IFT80: variants seen among roughly 807,000 people sequenced by gnomAD.
IFT80 encodes intraflagellar transport 80.
IFT80 carries 79 observed loss-of-function variants against 107.9 expected under a neutral mutation model. The ratio of observed to expected loss-of-function variants is 0.73; its 90% CI spans 0.61 to 0.88. The LOEUF (loss-of-function observed/expected upper bound fraction) is 0.88. Among genes scored for constraint, IFT80 ranks in the 40% least tolerant of loss-of-function variants. The pLI is 0.00. For synonymous variants in IFT80, 299 were observed against 300.9 expected, an observed-to-expected ratio of 0.99 and a Z score of 0.07; for missense variants, 797 against 914.2, an observed-to-expected ratio of 0.87 and a Z score of 1.65.
chr3:160,339,936 T>A lies in IFT80; in HGVS notation c.777+16077A>T, dbSNP rs539726495. Among the ~76,000 whole-genome samples the A allele has an allele frequency of 2.0e-3, 302 of 152,312 alleles. 2 individuals are homozygous for A. The highest frequency in any genetic ancestry group is 6.9e-3 in the African/African-American group (286 of 41,578). ...GTGTGAGACTGACCAATTTGGTTTT[T>A]AGCTGTGGGCAAATATCACTGGCAT... On this transcript the variant is annotated intron_variant, in intron 8 of 19. Coordinates refer to ENST00000326448, the MANE Select transcript of IFT80 (RefSeq NM_020800.3).
In IFT80 at chr3:160,303,767, C is replaced by A. The variant is rs542399062; in HGVS notation, c.1151+148G>T. On this transcript the variant is annotated intron_variant, in intron 11 of 19. Transcript: ENST00000326448. ...CACTGATTTAAATAACTTATTTATT[C>A]TTTTCTTTTTCTTCTAAAATGTAAA... 4.4e-4 allele frequency: 267 copies of A among 609,068 alleles called. 1 individual carries two copies. In the African/African-American group the frequency reaches 4.5e-3, roughly 10 times the overall value. 37.7% of individuals were successfully genotyped at this position (609,068 alleles called of 1,614,324 possible).
At chr3:160,357,901 T>C (rs186087709) in intron 6 of IFT80, among the ~76,000 whole-genome samples, 216 of 152,340 alleles carry the variant, frequency 1.4e-3, no homozygotes, top group Middle Eastern at 3.4e-3. Context: ...TGAATGAATA[T>C]GTTATGTATT....
At chr3:160,288,255 C>G (rs1715250625) in intron 12 of IFT80, among the ~76,000 whole-genome samples, 1 of 152,162 alleles carries the variant, frequency 6.6e-6, no homozygotes, top group Non-Finnish European at 1.5e-5. Flanking sequence ...ATGGCGTGAA[C>G]CCGGGAGGCG....
At chr3:160,300,251 C>T (rs1011568941) in intron 12 of IFT80, among the ~76,000 whole-genome samples, 2 of 152,030 alleles carry the variant, frequency 1.3e-5, no homozygotes, top group South Asian at 4.1e-4. Context: ...TCCTGAACTT[C>T]TAGACAAGTA....
chr3:160,296,585 A>T (rs1005688785), intron 12 of IFT80, among the ~76,000 whole-genome samples: 1 of 151,944 alleles, frequency 6.6e-6, no homozygotes, highest in Non-Finnish European at 1.5e-5. Flanking sequence ...AAAAAAAAAA[A>T]TCACTATTAC....
intron 6 of IFT80, among the ~76,000 whole-genome samples, chr3:160,364,287 T>C (rs1362071443): frequency 6.6e-6 from 1 of 152,002 alleles, no homozygotes; most frequent in Non-Finnish European, 1.5e-5. Context: ...GAAATGTAAA[T>C]CAAAACCACA....
rs1712469210 is a variant in IFT80, at chr3:160,257,680, A to C, written c.*845T>G. ...GCATTAACATTCAAAATGTTGAGCA[A>C]CCATCATCGCTATCCATTTCCAGAA... On this transcript the variant is annotated 3_prime_UTR_variant, in exon 20 of 20. Transcript: ENST00000326448. The C allele has an allele frequency of 6.6e-6, 1 of 152,226 alleles. No homozygotes were observed. The highest frequency in any genetic ancestry group is 1.5e-5 in the Non-Finnish European group (1 of 68,044). The allele number at this position is 152,226 out of a possible 1,614,324, so 9.4% of individuals were successfully genotyped here.
At chr3:160,390,174 T>C (rs1283547291) in intron 1 of IFT80, among the ~76,000 whole-genome samples, 3 of 151,924 alleles carry the variant, frequency 2.0e-5, no homozygotes, top group East Asian at 1.9e-4. Context: ...TCCCAGCACT[T>C]TGGGAGGCCG....
At position 160,282,563 on chromosome 3, in the gene IFT80, T is replaced by C; in HGVS notation, c.1431A>G (p.Arg477=). The change falls in exon 14 of 20, where the codon AGA becomes AGG. Residue 477 remains arginine (R), a synonymous_variant. Coordinates refer to ENST00000326448, the MANE Select transcript of IFT80 (RefSeq NM_020800.3). ...ALDQKGLTND[R]KIAFIDKNRD... Reference sequence around the variant, plus strand: ...TATTTTTATCAATGAAAGCAATTTTTCTATCATTGGTAAGTCCTTTTTGAT... The same window carrying C: ...TATTTTTATCAATGAAAGCAATTTTCCTATCATTGGTAAGTCCTTTTTGAT... The C allele has an allele frequency of 6.3e-7, 1 of 1,592,078 alleles. No individual in the cohort carries two copies. Among genetic ancestry groups the C allele is most frequent in the Non-Finnish European group, 8.6e-7 (1 of 1,164,456 alleles).
At chr3:160,309,954 T>C (rs1026180413) in intron 9 of IFT80, among the ~76,000 whole-genome samples, 3 of 152,302 alleles carry the variant, frequency 2.0e-5, no homozygotes, top group East Asian at 3.9e-4. Context: ...TAATCTTAAA[T>C]TTAAATTAGA....
chr3:160,360,217 T>C (rs1721393667), intron 6 of IFT80, among the ~76,000 whole-genome samples: 1 of 152,168 alleles, frequency 6.6e-6, no homozygotes, highest in Non-Finnish European at 1.5e-5. Context: ...ATGCACAAGC[T>C]TCAGTAGCTG....
chr3:160,294,578 T>A (rs545021552), intron 12 of IFT80, among the ~76,000 whole-genome samples: 14 of 152,326 alleles, frequency 9.2e-5, no homozygotes, highest in African/African-American at 3.1e-4. Flanking sequence ...TTACAGTACA[T>A]TCAGTTGGAG....
chr3:160,338,982 T>C (rs1252061184), intron 8 of IFT80, among the ~76,000 whole-genome samples: 2 of 152,204 alleles, frequency 1.3e-5, no homozygotes, highest in Non-Finnish European at 2.9e-5. Flanking sequence ...TACTATTATG[T>C]GCAGTGTACA....
At chr3:160,316,738 C>T (rs968290124) in intron 9 of IFT80, among the ~76,000 whole-genome samples, 4 of 152,100 alleles carry the variant, frequency 2.6e-5, no homozygotes, top group African/African-American at 4.8e-5. Context: ...TTGACTCAGG[C>T]TCAGCATATG....
intron 18 of IFT80, among the ~76,000 whole-genome samples, chr3:160,273,744 A>G (rs1368598485): frequency 2.0e-5 from 3 of 152,192 alleles, no homozygotes; most frequent in Non-Finnish European, 2.9e-5. Context: ...TGAGAGATGC[A>G]TATTTTGGAG....
At chr3:160,366,747 C>A (rs940758667) in intron 5 of IFT80, among the ~76,000 whole-genome samples, 2 of 151,932 alleles carry the variant, frequency 1.3e-5, no homozygotes, top group Non-Finnish European at 2.9e-5. Context: ...TACAGGCATA[C>A]AATACATAAC....
At chr3:160,366,689 G>A (rs1158531683) in intron 5 of IFT80, among the ~76,000 whole-genome samples, 1 of 151,806 alleles carries the variant, frequency 6.6e-6, no homozygotes, top group African/African-American at 2.4e-5. Flanking sequence ...TAATTTTTGT[G>A]GGTACACAGT....
At chr3:160,275,235 A>G (rs987880045) in intron 18 of IFT80, among the ~76,000 whole-genome samples, 1 of 152,194 alleles carries the variant, frequency 6.6e-6, no homozygotes, top group Non-Finnish European at 1.5e-5. Context: ...TGTTCCCACT[A>G]AACATTAGTA....
At chr3:160,339,454 T>C (rs1302739223) in intron 8 of IFT80, among the ~76,000 whole-genome samples, 2 of 152,200 alleles carry the variant, frequency 1.3e-5, no homozygotes, top group Admixed American at 6.5e-5. Flanking sequence ...TTTGTTATAC[T>C]AATTTTTTGC....
Sources: gnomAD v4.1 joint callset for allele counts (sites outside exome capture counted in the v4.1 genomes callset) on GRCh38, gnomAD v4.1.1 for gene constraint, MANE v1.5 for transcripts, NCBI Gene and HGNC (gene_info 2026-07-23, HGNC 2026-07-21) for gene names.